Variants in RBFOX1 observed in about 807,000 individuals in gnomAD.
RBFOX1 encodes the protein RNA binding fox-1 homolog 1.
RBFOX1 carries 8 observed loss-of-function variants against 57.7 expected under a neutral mutation model. That is an observed-to-expected ratio of 0.14 (90% CI 0.08 to 0.25). The LOEUF (loss-of-function observed/expected upper bound fraction) is 0.25, where lower values mean the gene tolerates loss of function less well. Among genes scored for constraint, RBFOX1 ranks in the 10% least tolerant of loss-of-function variants. The pLI is 1.00. For missense variants in RBFOX1, 611 were observed against 548.5 expected, an observed-to-expected ratio of 1.11 and a Z score of -1.14; for synonymous variants, 326 against 222.4, an observed-to-expected ratio of 1.47 and a Z score of -4.15.
At chr16:7,224,054 A>G (rs1343138198) in intron 4 of RBFOX1, among the ~76,000 whole-genome samples, 1 of 146,496 alleles carries the variant, frequency 6.8e-6, no homozygotes, top group Admixed American at 7.1e-5. Flanking sequence ...TTTGGGATGC[A>G]TCAGAGGTTG....
At chr16:6,863,260 A>G (rs2059326640) in intron 3 of RBFOX1, among the ~76,000 whole-genome samples, 1 of 152,110 alleles carries the variant, frequency 6.6e-6, no homozygotes, top group Admixed American at 6.5e-5. Flanking sequence ...AAGGTTGGAG[A>G]CGAAGTATCT....
chr16:6,676,896 G>A (rs1243227980), intron 3 of RBFOX1, among the ~76,000 whole-genome samples: 1 of 151,738 alleles, frequency 6.6e-6, no homozygotes, highest in East Asian at 1.9e-4. Flanking sequence ...TGCTGGTTTT[G>A]AACCCTTGAC....
chr16:6,646,895 A>C (rs932851860), intron 2 of RBFOX1, among the ~76,000 whole-genome samples: 1 of 152,126 alleles, frequency 6.6e-6, no homozygotes, highest in Admixed American at 6.5e-5. Context: ...AGACAGGGTG[A>C]GAAAAGGAAG....
intron 3 of RBFOX1, among the ~76,000 whole-genome samples, chr16:6,983,211 C>G (rs952782276): frequency 2.6e-5 from 4 of 152,082 alleles, no homozygotes; most frequent in African/African-American, 2.4e-5. Flanking sequence ...TCCTCTGACT[C>G]TGTCACCCGC....
chr16:7,389,824 T>C (rs1162749647), intron 4 of RBFOX1, among the ~76,000 whole-genome samples: 1 of 152,168 alleles, frequency 6.6e-6, no homozygotes, highest in Non-Finnish European at 1.5e-5. Flanking sequence ...TTGATATGCA[T>C]ACAATCTTTA....
At chr16:6,842,931 CTGTTCCTG>C (rs2093564089) in intron 3 of RBFOX1, among the ~76,000 whole-genome samples, 1 of 152,014 alleles carries the variant, frequency 6.6e-6, no homozygotes, top group Non-Finnish European at 1.5e-5. Flanking sequence ...GTTTGGTTTT[CTGTTCCTG>C]TGTTAGTTTG....
At chr16:7,353,454 C>T (rs1355256751) in intron 4 of RBFOX1, among the ~76,000 whole-genome samples, 1 of 152,104 alleles carries the variant, frequency 6.6e-6, no homozygotes, top group Non-Finnish European at 1.5e-5. Flanking sequence ...AATTCTGCTC[C>T]TAGGTATATA....
intron 4 of RBFOX1, among the ~76,000 whole-genome samples, chr16:7,253,441 A>C (rs2094563127): frequency 2.0e-5 from 3 of 152,118 alleles, no homozygotes; most frequent in African/African-American, 7.2e-5. Context: ...CTTAGGGTAA[A>C]GTCTGAGTTC....
At chr16:6,183,840 A>G (rs2097086597) in intron 1 of RBFOX1, among the ~76,000 whole-genome samples, 2 of 152,172 alleles carry the variant, frequency 1.3e-5, no homozygotes, top group African/African-American at 4.8e-5. Flanking sequence ...GGACTGGAGC[A>G]TGTAGGGCTT....
intron 2 of RBFOX1, among the ~76,000 whole-genome samples, chr16:5,516,984 C>T (rs1390570292): frequency 1.3e-5 from 2 of 151,784 alleles, no homozygotes; most frequent in African/African-American, 4.8e-5. Context: ...GACTCTTCTC[C>T]TGACTTTCTT....
chr16:7,089,480 G>A (rs1279638090), intron 4 of RBFOX1, among the ~76,000 whole-genome samples: 1 of 152,078 alleles, frequency 6.6e-6, no homozygotes, highest in East Asian at 1.9e-4. Flanking sequence ...TCATGGAAAG[G>A]AGCCTTTTTG....
intron 10 of RBFOX1, among the ~76,000 whole-genome samples, chr16:7,624,251 G>A (rs928005795): frequency 1.3e-5 from 2 of 152,186 alleles, no homozygotes; most frequent in African/African-American, 4.8e-5. Flanking sequence ...TTCTAGCATT[G>A]ATTCCTATTA....
intron 3 of RBFOX1, among the ~76,000 whole-genome samples, chr16:5,734,120 TC>T (rs1222536745): frequency 6.6e-6 from 1 of 152,202 alleles, no homozygotes; most frequent in Non-Finnish European, 1.5e-5. Flanking sequence ...GGTTTCATGT[TC>T]TTCTCCTTAC....
At chr16:7,026,153 G>A (rs2040859390) in intron 3 of RBFOX1, among the ~76,000 whole-genome samples, 1 of 152,136 alleles carries the variant, frequency 6.6e-6, no homozygotes, top group Admixed American at 6.5e-5. Flanking sequence ...CCCTCTGCGT[G>A]GGGTCTCCCT....
At chr16:7,035,590 T>C (rs2044168936) in intron 3 of RBFOX1, among the ~76,000 whole-genome samples, 1 of 151,998 alleles carries the variant, frequency 6.6e-6, no homozygotes, top group South Asian at 2.1e-4. Flanking sequence ...AGCTCTGCGT[T>C]GTTGGTTTAT....
At chr16:5,446,789 A>G (rs1200332637) in intron 1 of RBFOX1, among the ~76,000 whole-genome samples, 1 of 152,090 alleles carries the variant, frequency 6.6e-6, no homozygotes, top group Non-Finnish European at 1.5e-5. Context: ...ATGACAGTCT[A>G]GTTCTCACAG....
intron 2 of RBFOX1, among the ~76,000 whole-genome samples, chr16:6,348,542 A>C (rs191326034): frequency 2.0e-5 from 3 of 152,222 alleles, no homozygotes; most frequent in Admixed American, 2.0e-4. Flanking sequence ...TAAAGAAATG[A>C]GCATTAATTG....
intron 3 of RBFOX1, among the ~76,000 whole-genome samples, chr16:5,688,949 G>A (rs1408458012): frequency 6.6e-6 from 1 of 152,104 alleles, no homozygotes; most frequent in East Asian, 1.9e-4. Context: ...TAACGCCAGG[G>A]GCACAGCCCT....
chr16:6,669,652 G>T (rs116595068), intron 3 of RBFOX1, among the ~76,000 whole-genome samples: 2,305 of 152,044 alleles, frequency 0.015, 33 homozygotes, highest in African/African-American at 0.048. Context: ...TTTCTTTTGC[G>T]TGTGTGTTTG....
Sources: gnomAD v4.1 joint callset for allele counts (sites outside exome capture counted in the v4.1 genomes callset) on GRCh38, gnomAD v4.1.1 for gene constraint, MANE v1.5 for transcripts, NCBI Gene and HGNC (gene_info 2026-07-23, HGNC 2026-07-21) for gene names.